EYA2: variants seen among roughly 807,000 people sequenced by gnomAD.
EYA2 encodes protein phosphatase EYA2.
In EYA2, 31 loss-of-function variants were observed where a neutral mutation model predicts 69.2. The ratio of observed to expected loss-of-function variants is 0.45; its 90% CI spans 0.34 to 0.60. The LOEUF (loss-of-function observed/expected upper bound fraction) is 0.60, where lower values mean the gene tolerates loss of function less well. EYA2 is among the 20% of genes least tolerant of loss of function. EYA2 has a pLI of 0.02. For missense variants in EYA2, 622 were observed against 701.2 expected (o/e 0.89, Z 1.28); for synonymous variants, 257 against 279.4 (o/e 0.92, Z 0.80).
chr20:46,950,080 C>A (rs745628947), intron 1 of EYA2, among the ~76,000 whole-genome samples: 18 of 152,338 alleles, frequency 1.2e-4, no homozygotes, highest in Middle Eastern at 3.4e-3. Context: ...CAGTGCCTGG[C>A]ACAGAGTAAG....
chr20:47,016,254 C>T lies in EYA2; in HGVS notation c.372C>T (p.Ser124=), dbSNP rs1224535390. ...SGFLSYGSSF[S]TSPTGQSPYT... ...TCCTCAGCTATGGCTCCAGCTTCAG[C>T]ACCTCACCCACTGGACAGAGCCCAT... The change falls in exon 5 of 16, where the codon AGC becomes AGT. Residue 124 remains serine (S), a synonymous_variant. Coordinates refer to ENST00000327619, the MANE Select transcript of EYA2 (RefSeq NM_005244.5). The T allele has an allele frequency of 6.2e-7, 1 of 1,614,214 alleles. No individual in the cohort carries two copies.
chr20:47,086,803 T>C (rs1012569150), intron 7 of EYA2, among the ~76,000 whole-genome samples: 3 of 149,960 alleles, frequency 2.0e-5, no homozygotes, highest in Non-Finnish European at 3.0e-5. Context: ...TCTGTTTGTT[T>C]TTTTGTTGTT....
intron 5 of EYA2, among the ~76,000 whole-genome samples, chr20:47,069,481 T>G (rs1288302833): frequency 5.9e-5 from 9 of 152,220 alleles, no homozygotes; most frequent in African/African-American, 2.2e-4. Context: ...AAGAGCGAGA[T>G]TCTGTTTTTT....
chr20:47,036,211 G>A (rs944611152), intron 5 of EYA2, among the ~76,000 whole-genome samples: 1 of 152,150 alleles, frequency 6.6e-6, no homozygotes, highest in African/African-American at 2.4e-5. Flanking sequence ...GATCAGGGCC[G>A]GGACTAGCAT....
chr20:46,911,231 T>TTGTGTGTGTG lies in EYA2; in HGVS notation c.-11+16266_-11+16275dup, dbSNP rs140564632. On this transcript the variant is annotated intron_variant, in intron 1 of 15. Transcript: ENST00000327619. ...CTATTAAGATTTGGAGCTGGATAAT[T>TTGTGTGTGTG]TGTGTGTGTGTGTGTGTGTGTGTGT... 5.4e-3 allele frequency among the ~76,000 whole-genome samples: 804 copies of TTGTGTGTGTG among 148,320 alleles called. 2 individuals carry two copies. Among genetic ancestry groups the TTGTGTGTGTG allele is most frequent in the African/African-American group, 0.016 (657 of 40,516 alleles).
intron 10 of EYA2, among the ~76,000 whole-genome samples, chr20:47,148,058 C>CTAAAAA (rs2033742812): frequency 1.2e-5 from 1 of 82,838 alleles, no homozygotes; most frequent in South Asian, 3.7e-4. Flanking sequence ...GACTCTGTCT[C>CTAAAAA]AAAAAAAAAA....
intron 5 of EYA2, among the ~76,000 whole-genome samples, chr20:47,026,663 A>C (rs1274594920): frequency 6.6e-6 from 1 of 152,226 alleles, no homozygotes; most frequent in East Asian, 1.9e-4. Context: ...TTTCAGACTC[A>C]AATAGTACAG....
At chr20:46,934,150 G>A (rs1383468241) in intron 1 of EYA2, among the ~76,000 whole-genome samples, 1 of 152,192 alleles carries the variant, frequency 6.6e-6, no homozygotes, top group Non-Finnish European at 1.5e-5. Flanking sequence ...AGCATTTTGG[G>A]TGGCAATTGG....
chr20:46,985,097 A>C (rs1316378396), intron 1 of EYA2, among the ~76,000 whole-genome samples: 1 of 152,270 alleles, frequency 6.6e-6, no homozygotes, highest in Admixed American at 6.5e-5. Context: ...TTACATATTT[A>C]ATATGTCAGA....
At chr20:47,069,641 G>T (rs1429804982) in intron 5 of EYA2, among the ~76,000 whole-genome samples, 1 of 130,360 alleles carries the variant, frequency 7.7e-6, no homozygotes, top group Non-Finnish European at 1.6e-5. Flanking sequence ...ATTCAGTGGG[G>T]GAAGAAATGG....
chr20:47,103,737 C>G (rs1355256548), intron 9 of EYA2, among the ~76,000 whole-genome samples: 1 of 152,010 alleles, frequency 6.6e-6, no homozygotes. Context: ...GGTTCCTCCA[C>G]CAACACAAGG....
chr20:46,970,833 G>A (rs1353878914), intron 1 of EYA2, among the ~76,000 whole-genome samples: 3 of 152,120 alleles, frequency 2.0e-5, no homozygotes, highest in African/African-American at 7.2e-5. Flanking sequence ...GTGCCTTAAT[G>A]TTAAGGAATA....
chr20:46,993,597 T>G (rs928092125), intron 2 of EYA2, among the ~76,000 whole-genome samples: 8 of 152,234 alleles, frequency 5.3e-5, no homozygotes, highest in Non-Finnish European at 1.2e-4. Context: ...TGGCATGGTT[T>G]TAAGTACTAG....
intron 9 of EYA2, among the ~76,000 whole-genome samples, chr20:47,132,352 A>T (rs2146579749): frequency 1.3e-5 from 2 of 152,352 alleles, no homozygotes; most frequent in South Asian, 2.1e-4. Flanking sequence ...GTGTTCCAAG[A>T]ATGGCCCTAG....
At chr20:47,046,872 C>G (rs2030066582) in intron 5 of EYA2, among the ~76,000 whole-genome samples, 1 of 152,188 alleles carries the variant, frequency 6.6e-6, no homozygotes, top group African/African-American at 2.4e-5. Context: ...AAGCACAACT[C>G]TTACTGCAGA....
intron 9 of EYA2, among the ~76,000 whole-genome samples, chr20:47,113,593 G>A (rs2032811610): frequency 6.6e-6 from 1 of 152,190 alleles, no homozygotes; most frequent in Admixed American, 6.5e-5. Flanking sequence ...CCACACTCGG[G>A]GCTGTCTGCT....
At chr20:46,952,318 G>C (rs1978852543) in intron 1 of EYA2, among the ~76,000 whole-genome samples, 1 of 152,132 alleles carries the variant, frequency 6.6e-6, no homozygotes, top group Non-Finnish European at 1.5e-5. Context: ...AGGGTGGCGG[G>C]ATCTGAGCTC....
At chr20:47,089,614 C>G (rs374522821) in intron 8 of EYA2, among the ~76,000 whole-genome samples, 105 of 152,310 alleles carry the variant, frequency 6.9e-4, no homozygotes, top group Admixed American at 2.8e-3. Flanking sequence ...GGGGATGGTG[C>G]TTTTGAAATC....
chr20:47,061,266 C>T (rs116281199), intron 5 of EYA2, among the ~76,000 whole-genome samples: 2,883 of 152,258 alleles, frequency 0.019, 100 homozygotes, highest in African/African-American at 0.065. Context: ...CTGGCTTACG[C>T]CTATAATCTC....
Sources: allele counts gnomAD v4.1 joint callset (sites outside exome capture counted in the v4.1 genomes callset), GRCh38; gene constraint gnomAD v4.1.1; transcripts MANE v1.5; gene names NCBI Gene and HGNC (gene_info 2026-07-23, HGNC 2026-07-21).